The following TMEM169 variants were observed in gnomAD, a reference collection of about 807,000 sequenced individuals.
TMEM169 encodes the protein transmembrane protein 169.
Under a neutral mutation model 27.3 loss-of-function variants are expected in TMEM169, and 18 were observed. The observed-to-expected ratio is 0.66, with a 90% CI of 0.46 to 0.98. The LOEUF (loss-of-function observed/expected upper bound fraction) is 0.98, where lower values mean the gene tolerates loss of function less well. TMEM169 is among the 50% of genes least tolerant of loss of function. TMEM169 has a pLI of 0.00. For missense variants in TMEM169, 320 were observed against 368.6 expected, an observed-to-expected ratio of 0.87 and a Z score of 1.08; for synonymous variants, 136 against 142.1, an observed-to-expected ratio of 0.96 and a Z score of 0.30.
chr2:216,095,301 T>G (rs1460355385), intron 1 of TMEM169, among the ~76,000 whole-genome samples: 1 of 151,978 alleles, frequency 6.6e-6, no homozygotes, highest in Non-Finnish European at 1.5e-5. Context: ...TTGGCCAGGC[T>G]GGTCTCAAAC....
At chr2:216,091,448 T>C (rs1051843902) in intron 1 of TMEM169, among the ~76,000 whole-genome samples, 3 of 150,894 alleles carry the variant, frequency 2.0e-5, no homozygotes, top group African/African-American at 7.3e-5. Flanking sequence ...TCCCAGCTAA[T>C]TGGGAGGCTG....
At chr2:216,083,183 A>G (rs1279452265) in intron 1 of TMEM169, among the ~76,000 whole-genome samples, 1 of 152,228 alleles carries the variant, frequency 6.6e-6, no homozygotes, top group Non-Finnish European at 1.5e-5. Context: ...ACCATTTGCT[A>G]GATAGTTTAT....
Position 216,100,074 on chromosome 2 carries a change from G to T in TMEM169, c.426G>T (p.Thr142=), listed in dbSNP as rs201214676. 2 of 1,614,164 alleles carry T rather than the reference G, an allele frequency of 1.2e-6. No homozygotes were observed. Among genetic ancestry groups the T allele is most frequent in the East Asian group, 2.2e-5 (1 of 44,886 alleles). The part of the protein sequence containing the change: ...LTKPKESSRE[T]TPEGRMACQM... ...AACCTAAAGAGTCATCAAGGGAAAC[G>T]ACGCCTGAAGGAAGAATGGCCTGCC... is the stretch of plus-strand genomic sequence containing the variant. Residue 142 remains threonine (T), a synonymous_variant, in exon 3 of 3, where the codon ACG becomes ACT. Transcript: ENST00000437356.
chr2:216,091,556 CAAAA>C lies in TMEM169; in HGVS notation c.-126-4262_-126-4259del, dbSNP rs35975278. On this transcript the variant is annotated intron_variant, in intron 1 of 2. Transcript: ENST00000437356. ...TATGCGACAGAGTGAGACTCCATCT[CAAAA>C]AAAAAAAAAAAAAAAAAAAGAGAGA... 3.4e-4 allele frequency among the ~76,000 whole-genome samples: 27 copies of C among 80,334 alleles called. No individual in the cohort carries two copies. The East Asian group carries it at 4.4e-3, about 13-fold the overall frequency. 52.7% of individuals were successfully genotyped at this position (80,334 alleles called of 152,430 possible). A position where few individuals can be genotyped will look rare whatever the true frequency, so the allele number is the denominator to read the frequency against.
At chr2:216,095,521 TA>T (rs1696243911) in intron 1 of TMEM169, among the ~76,000 whole-genome samples, 1 of 152,162 alleles carries the variant, frequency 6.6e-6, no homozygotes, top group Non-Finnish European at 1.5e-5. Context: ...ACTACTTATG[TA>T]TATAAAATAA....
Position 216,100,637 on chromosome 2 carries a change from C to T in TMEM169, c.*95C>T, listed in dbSNP as rs142701998. ...TTTCTTTAAATTACCCCCTACTCTC[C>T]GCAGTTCTTCTGGGAAATCAGAGTC... On this transcript the variant is annotated 3_prime_UTR_variant, in exon 3 of 3. Coordinates refer to ENST00000437356, the MANE Select transcript of TMEM169 (RefSeq NM_001142311.2). The T allele has an allele frequency of 4.5e-3, 6,832 of 1,523,918 alleles. 29 individuals carry two copies. The highest frequency in any genetic ancestry group is 5.1e-3 in the South Asian group (439 of 85,470). The allele number at this position is 1,523,918 out of a possible 1,614,324, so 94.4% of individuals were successfully genotyped here.
chr2:216,082,591 G>C (rs886925644), intron 1 of TMEM169: 1 of 152,336 alleles, frequency 6.6e-6, no homozygotes, highest in Non-Finnish European at 1.5e-5. Flanking sequence ...TTGAGATCAT[G>C]TCCTGTAGTT....
rs1325060270 is a variant in TMEM169 at position 216,096,032 on chromosome 2, G to A, written c.69G>A (p.Lys23=). 5 of 1,614,230 alleles carry A rather than the reference G, an allele frequency of 3.1e-6. No individual in the cohort carries two copies. Among genetic ancestry groups the A allele is most frequent in the East Asian group, 2.2e-5 (1 of 44,886 alleles). The change falls in exon 2 of 3, where the codon AAG becomes AAA. Residue 23 remains lysine (K), a synonymous_variant. Coordinates refer to ENST00000437356, the MANE Select transcript of TMEM169 (RefSeq NM_001142311.2). Reference sequence around the variant, plus strand: ...GCCCCCACCAGGGCTCTCTCAGGAAGGCTGTGGCTGCTGCCCTGGCGCTGG... The same window carrying A: ...GCCCCCACCAGGGCTCTCTCAGGAAAGCTGTGGCTGCTGCCCTGGCGCTGG... The part of the protein sequence containing the change: ...LPSPHQGSLR[K]AVAAALALDG...
chr2:216,088,082 C>T (rs72952642), intron 1 of TMEM169, among the ~76,000 whole-genome samples: 30,837 of 151,236 alleles, frequency 0.2, 3,212 homozygotes, highest in South Asian at 0.26. Flanking sequence ...TCGCTTGAAC[C>T]TGGAGGCTGA....
At chr2:216,093,200 T>C (rs1387691491) in intron 1 of TMEM169, among the ~76,000 whole-genome samples, 1 of 151,124 alleles carries the variant, frequency 6.6e-6, no homozygotes, top group Admixed American at 6.6e-5. Flanking sequence ...TGGATTGCAT[T>C]CAGCCTCCCC....
At chr2:216,096,312 G>A (rs1312974843) in intron 2 of TMEM169, 78 bp downstream of exon 2, 9 of 1,471,844 alleles carry the variant, frequency 6.1e-6, no homozygotes, top group African/African-American at 2.8e-5. Context: ...ACAGGCATAT[G>A]CTCACTGTCC....
intron 2 of TMEM169, among the ~76,000 whole-genome samples, chr2:216,098,714 TTG>T (rs34734178): frequency 0.58 from 86,072 of 149,274 alleles, 25,505 homozygotes; most frequent in East Asian, 0.79. Context: ...TGTGGGTGCG[TTG>T]TGTGTGTGTG....
At chr2:216,090,471 A>T (rs977753257) in intron 1 of TMEM169, among the ~76,000 whole-genome samples, 1 of 152,230 alleles carries the variant, frequency 6.6e-6, no homozygotes, top group African/African-American at 2.4e-5. Flanking sequence ...ATCTAGCCTC[A>T]TTCAAGCCTT....
At chr2:216,094,180 G>A (rs1243762248) in intron 1 of TMEM169, among the ~76,000 whole-genome samples, 2 of 152,226 alleles carry the variant, frequency 1.3e-5, no homozygotes, top group African/African-American at 4.8e-5. Flanking sequence ...CAGCCTCGAG[G>A]AGTGTGGGGC....
chr2:216,095,915 TCAAA>T lies in TMEM169; in HGVS notation c.-45_-42del, dbSNP rs767711557. The T allele has an allele frequency of 1.6e-5, 25 of 1,564,262 alleles. No homozygotes were observed. In the Admixed American group the frequency reaches 4.7e-4, roughly 29 times the overall value. Reference sequence around the variant, plus strand: ...TGTGATGTGTGAACTGTGAGTTTACTCAAACAAGTCCAACTCTTTATAAGACATA... The same window carrying T: ...TGTGATGTGTGAACTGTGAGTTTACTCAAGTCCAACTCTTTATAAGACATA... On this transcript the variant is annotated 5_prime_UTR_variant, in exon 2 of 3. Transcript: ENST00000437356.
At chr2:216,082,449 C>G (rs1695887391) in intron 1 of TMEM169, 1 of 152,412 alleles carries the variant, frequency 6.6e-6, no homozygotes, top group Admixed American at 6.5e-5. Flanking sequence ...ACTCCCCACC[C>G]AAGAATCAAG....
In TMEM169 at chr2:216,096,124, T is replaced by C. The variant is rs1212023750; in HGVS notation, c.161T>C (p.Ile54Thr). 6.2e-7 allele frequency: 1 copy of C among 1,614,016 alleles called. No homozygotes were observed. The highest frequency in any genetic ancestry group is 8.5e-7 in the Non-Finnish European group (1 of 1,180,030). ...GAGTCACGCCCAGAATCCATCATCA[T>C]CTACCGCTCAGACAATGAGAAAACA... Reference protein sequence around the residue: ...RKESRPESIIIYRSDNEKTDE... With the variant: ...RKESRPESIITYRSDNEKTDE... Residue 54 changes from isoleucine (I) to threonine (T), a missense_variant, in exon 2 of 3, where the codon ATC becomes ACC. By Grantham distance (89) the Ile-to-Thr change is moderately conservative (BLOSUM62 -1). Transcript: ENST00000437356.
intron 1 of TMEM169, among the ~76,000 whole-genome samples, chr2:216,084,595 G>C (rs936445953): frequency 2.0e-5 from 3 of 152,186 alleles, no homozygotes; most frequent in African/African-American, 4.8e-5. Flanking sequence ...ACAAATGTTG[G>C]TAAGCCTTAC....
At position 216,095,882 on chromosome 2, in the gene TMEM169, A is replaced by G; in HGVS notation, c.-82A>G. On this transcript the variant is annotated 5_prime_UTR_variant, in exon 2 of 3. Coordinates refer to ENST00000437356, the MANE Select transcript of TMEM169 (RefSeq NM_001142311.2). ...CATCTTTGCATAGCCCCATCTAGGA[A>G]GAAGTTCTGTGATGTGTGAACTGTG... The G allele has an allele frequency of 6.7e-7, 1 of 1,488,424 alleles. No homozygotes were observed. The highest frequency in any genetic ancestry group is 1.3e-5 in the South Asian group (1 of 75,054). 92.2% of individuals were successfully genotyped at this position (1,488,424 alleles called of 1,614,324 possible).
Sources: gnomAD v4.1 joint callset for allele counts (sites outside exome capture counted in the v4.1 genomes callset) on GRCh38, gnomAD v4.1.1 for gene constraint, MANE v1.5 for transcripts, NCBI Gene and HGNC (gene_info 2026-07-23, HGNC 2026-07-21) for gene names.